AOPEP: variants seen among roughly 807,000 people sequenced by gnomAD.
AOPEP encodes aminopeptidase O.
In AOPEP, 77 loss-of-function variants were observed where a neutral mutation model predicts 98.1. That is an observed-to-expected ratio of 0.78 (90% confidence interval 0.65 to 0.95). AOPEP has a LOEUF of 0.95. AOPEP is among the 40% of genes least tolerant of loss of function. The pLI, the probability that AOPEP is intolerant of heterozygous loss-of-function variation, is 0.00. For missense variants in AOPEP, 1,024 were observed against 1,024.7 expected (o/e 1.00, Z 0.01); for synonymous variants, 346 against 365.3 (o/e 0.95, Z 0.60).
At chr9:94,744,980 A>T (rs1834131921) in intron 1 of AOPEP, among the ~76,000 whole-genome samples, 2 of 152,058 alleles carry the variant, frequency 1.3e-5, no homozygotes, top group Non-Finnish European at 2.9e-5. Context: ...ATAAGGGTAC[A>T]TGAGATATTG....
rs535148995 is a variant in AOPEP at position 94,875,909 on chromosome 9, A to G, written c.1365-48077A>G. ...TTACTTACCTAGTTGAAGTGAGACCATTCAACACTCAATAGATAGCTGCAT... is the reference window on the plus strand; with the variant it reads ...TTACTTACCTAGTTGAAGTGAGACCGTTCAACACTCAATAGATAGCTGCAT... On this transcript the variant is annotated intron_variant, in intron 5 of 16. Coordinates refer to ENST00000375315, the MANE Select transcript of AOPEP (RefSeq NM_001193329.3). 7.9e-5 allele frequency among the ~76,000 whole-genome samples: 12 copies of G among 152,368 alleles called. No homozygotes were observed. In the South Asian group the frequency reaches 2.1e-3, roughly 26 times the overall value.
At chr9:94,962,632 C>A (rs1014045712) in intron 9 of AOPEP, among the ~76,000 whole-genome samples, 2 of 151,826 alleles carry the variant, frequency 1.3e-5, no homozygotes, top group East Asian at 3.9e-4. Flanking sequence ...GATCCAGTTT[C>A]TTTACTCAGA....
At chr9:95,031,123 T>A (rs1587694288) in intron 13 of AOPEP, among the ~76,000 whole-genome samples, 1 of 152,292 alleles carries the variant, frequency 6.6e-6, no homozygotes, top group East Asian at 1.9e-4. Context: ...TTACCCTGGG[T>A]GTGCAGTCAC....
intron 5 of AOPEP, among the ~76,000 whole-genome samples, chr9:94,860,477 G>A (rs924002635): frequency 1.3e-5 from 2 of 152,272 alleles, no homozygotes; most frequent in Admixed American, 6.5e-5. Flanking sequence ...AGAATGAAGC[G>A]ACAGGAGTAG....
chr9:95,123,864 C>G, the AOPEP span: 1 of 584,766 alleles, frequency 1.7e-6, no homozygotes, highest in East Asian at 3.7e-5. Flanking sequence ...CCAAAGCCCA[C>G]GTAAGGAGTT....
the AOPEP span, among the ~76,000 whole-genome samples, chr9:95,141,985 GTTTTTTT>G: frequency 1.6e-3 from 134 of 83,168 alleles, no homozygotes; most frequent in African/African-American, 6.0e-3. Context: ...AGTTTGTGGG[GTTTTTTT>G]TTTTTTTTTT....
chr9:94,931,740 G>A (rs1424918376), intron 7 of AOPEP: 1 of 1,550,298 alleles, frequency 6.5e-7, no homozygotes, highest in African/African-American at 1.4e-5. Flanking sequence ...CGGATGCAGT[G>A]GAAGCTTCTC....
chr9:94,988,145 G>A (rs2060637702), intron 11 of AOPEP, among the ~76,000 whole-genome samples: 1 of 152,188 alleles, frequency 6.6e-6, no homozygotes, highest in Non-Finnish European at 1.5e-5. Flanking sequence ...ACAGCATTAA[G>A]TATCTAGATA....
At chr9:94,751,131 T>C (rs1344604820) in intron 1 of AOPEP, among the ~76,000 whole-genome samples, 1 of 152,112 alleles carries the variant, frequency 6.6e-6, no homozygotes, top group Non-Finnish European at 1.5e-5. Flanking sequence ...AACTAGGGCT[T>C]TCTCTCCGGT....
intron 13 of AOPEP, among the ~76,000 whole-genome samples, chr9:95,048,154 G>A (rs1361563700): frequency 6.6e-6 from 1 of 151,888 alleles, no homozygotes; most frequent in East Asian, 1.9e-4. Flanking sequence ...GTTGCAGCCG[G>A]CCAGGTCTGA....
chr9:95,083,563 C>T (rs946791342), intron 16 of AOPEP, among the ~76,000 whole-genome samples: 1 of 150,026 alleles, frequency 6.7e-6, no homozygotes, highest in Non-Finnish European at 1.5e-5. Flanking sequence ...ACACACCACA[C>T]ACAGCGCATG....
intron 9 of AOPEP, among the ~76,000 whole-genome samples, chr9:94,957,641 C>T (rs914725074): frequency 7.9e-5 from 12 of 152,118 alleles, no homozygotes; most frequent in African/African-American, 2.7e-4. Context: ...ATTGTTCAAC[C>T]GTCATCATTA....
chr9:94,970,622 T>C (rs967602311), intron 10 of AOPEP, among the ~76,000 whole-genome samples: 6 of 151,572 alleles, frequency 4.0e-5, no homozygotes, highest in South Asian at 2.1e-4. Context: ...GATAAAACTT[T>C]GTCTAAGTGT....
intron 13 of AOPEP, among the ~76,000 whole-genome samples, chr9:95,033,821 T>A (rs1458726901): frequency 6.6e-6 from 1 of 152,212 alleles, no homozygotes; most frequent in Non-Finnish European, 1.5e-5. Context: ...TACATAAGGA[T>A]TCTACATATA....
chr9:95,139,316 C>T, the AOPEP span, among the ~76,000 whole-genome samples: 3 of 152,248 alleles, frequency 2.0e-5, no homozygotes, highest in East Asian at 1.9e-4. Flanking sequence ...GCAGAGGGTG[C>T]GTCTCCTCAC....
At chr9:95,107,755 C>T in the AOPEP span, among the ~76,000 whole-genome samples, 2 of 152,102 alleles carry the variant, frequency 1.3e-5, no homozygotes, top group Admixed American at 6.6e-5. Context: ...CACACATGCA[C>T]GCACGTGTAC....
At chr9:94,769,987 G>A (rs951218165) in intron 2 of AOPEP, among the ~76,000 whole-genome samples, 12 of 152,212 alleles carry the variant, frequency 7.9e-5, no homozygotes, top group African/African-American at 2.2e-4. Context: ...GCCCCCCATC[G>A]ACTGACTCAA....
At chr9:94,848,544 C>T (rs2043142333) in intron 5 of AOPEP, among the ~76,000 whole-genome samples, 1 of 151,174 alleles carries the variant, frequency 6.6e-6, no homozygotes, top group African/African-American at 2.4e-5. Flanking sequence ...ATCGCTTGAA[C>T]CCGGGAGGCA....
intron 11 of AOPEP, among the ~76,000 whole-genome samples, chr9:95,002,590 T>C (rs564420282): frequency 6.6e-6 from 1 of 152,378 alleles, no homozygotes; most frequent in East Asian, 1.9e-4. Flanking sequence ...CTCTGCTTTC[T>C]GCTCAGTTTT....
Sources: gnomAD v4.1 joint callset for allele counts (sites outside exome capture counted in the v4.1 genomes callset) on GRCh38, gnomAD v4.1.1 for gene constraint, MANE v1.5 for transcripts, NCBI Gene and HGNC (gene_info 2026-07-23, HGNC 2026-07-21) for gene names.